SLC9A2: variants seen among roughly 807,000 people sequenced by gnomAD.
SLC9A2 encodes the protein sodium/hydrogen exchanger 2.
SLC9A2 carries 42 observed loss-of-function variants against 71.7 expected under a neutral mutation model. That is an observed-to-expected ratio of 0.59 (90% CI 0.46 to 0.76). The LOEUF (loss-of-function observed/expected upper bound fraction) is 0.76. Among genes scored for constraint, SLC9A2 ranks in the 30% least tolerant of loss-of-function variants. The probability of loss-of-function intolerance (pLI) is 0.00; values close to 1 mark genes in which losing one functional copy is unlikely to be tolerated. For synonymous variants in SLC9A2, 396 were observed against 392.5 expected (o/e 1.01, Z -0.10); for missense variants, 829 against 1,017.4 (o/e 0.81, Z 2.52).
In SLC9A2 at chr2:102,690,445, A is replaced by G. The variant is rs1573430149; in HGVS notation, c.1426-3969A>G. ...TATGGGCAACTCTCTTAGGTTTCTT[A>G]GAGAAAGGAGGTGGTGGCCAGAGGT... On this transcript the variant is annotated intron_variant, in intron 5 of 11. Transcript: ENST00000233969. 4.6e-5 allele frequency among the ~76,000 whole-genome samples: 7 copies of G among 152,298 alleles called. No homozygotes were observed. In the South Asian group the frequency reaches 1.5e-3, roughly 32 times the overall value.
chr2:102,707,724 T>C (rs1312331204), intron 11 of SLC9A2, among the ~76,000 whole-genome samples: 1 of 152,156 alleles, frequency 6.6e-6, no homozygotes, highest in Non-Finnish European at 1.5e-5. Flanking sequence ...ATCATTACTG[T>C]GGGGCAGATG....
At chr2:102,634,083 ACT>A (rs1244163409) in intron 1 of SLC9A2, among the ~76,000 whole-genome samples, 1 of 152,198 alleles carries the variant, frequency 6.6e-6, no homozygotes, top group African/African-American at 2.4e-5. Context: ...TAAATGAGTA[ACT>A]CAATAAAATT....
chr2:102,694,736 C>T (rs1183805661), intron 6 of SLC9A2, among the ~76,000 whole-genome samples: 1 of 152,070 alleles, frequency 6.6e-6, no homozygotes, highest in East Asian at 1.9e-4. Flanking sequence ...CAAGAAGTCC[C>T]CTCTTCTTAC....
Position 102,657,561 on chromosome 2 carries a change from C to T in SLC9A2, c.290-3C>T. On this transcript the variant is annotated splice_region_variant and splice_polypyrimidine_tract_variant and intron_variant, in intron 1 of 11. Coordinates refer to ENST00000233969, the MANE Select transcript of SLC9A2 (RefSeq NM_003048.6). ...TTGTGTGTTTTTATTTTTTCCTTAC[C>T]AGGCTTCCATCTGTATCACAAGTTG... is the stretch of plus-strand genomic sequence containing the variant. 1 of 1,577,438 alleles carries T rather than the reference C, an allele frequency of 6.3e-7. No individual in the cohort carries two copies. The highest frequency in any genetic ancestry group is 8.6e-7 in the Non-Finnish European group (1 of 1,162,588).
chr2:102,704,611 T>C lies in SLC9A2; in HGVS notation c.1913T>C (p.Ile638Thr). Residue 638 changes from isoleucine to threonine, a missense_variant, in exon 10 of 12, where the codon ATT (isoleucine) becomes ACT (threonine). By Grantham distance (89) the Ile-to-Thr change is moderately conservative. Transcript: ENST00000233969. ...TSERQAKEIL[I>T]RRRHSLRESI... The stretch of plus-strand genomic sequence containing the variant: ...GAGAGACAAGCCAAGGAGATTCTGA[T>C]TCGCCGGCGACACAGTTTGCGAGAA... The C allele has an allele frequency of 6.2e-7, 1 of 1,613,656 alleles. No individual in the cohort carries two copies. The highest frequency in any genetic ancestry group is 8.5e-7 in the Non-Finnish European group (1 of 1,179,708).
At chr2:102,688,597 A>G (rs1005341224) in intron 5 of SLC9A2, among the ~76,000 whole-genome samples, 108 of 152,210 alleles carry the variant, frequency 7.1e-4, no homozygotes, top group African/African-American at 2.5e-3. Context: ...GCATGGTGGC[A>G]CGTGCCTATA....
intron 7 of SLC9A2, among the ~76,000 whole-genome samples, chr2:102,697,789 C>T (rs924307488): frequency 1.3e-5 from 2 of 151,372 alleles, no homozygotes; most frequent in Non-Finnish European, 2.9e-5. Context: ...CAAAAAGAAG[C>T]GATTGTTTCA....
chr2:102,680,105 A>G (rs1018523517), intron 3 of SLC9A2, among the ~76,000 whole-genome samples: 2 of 142,482 alleles, frequency 1.4e-5, no homozygotes, highest in African/African-American at 4.9e-5. Context: ...AGAGAATTAA[A>G]AAATATATGT....
chr2:102,641,647 T>C (rs1424899746), intron 1 of SLC9A2, among the ~76,000 whole-genome samples: 2 of 152,022 alleles, frequency 1.3e-5, no homozygotes, highest in Non-Finnish European at 2.9e-5. Context: ...GTAACAAGCA[T>C]GCTGTGTGTA....
intron 5 of SLC9A2, among the ~76,000 whole-genome samples, chr2:102,692,494 T>G (rs887245876): frequency 6.6e-6 from 1 of 152,198 alleles, no homozygotes; most frequent in Non-Finnish European, 1.5e-5. Context: ...TTCCTATCCA[T>G]GTATCCTTCC....
chr2:102,641,297 C>A (rs567765388), intron 1 of SLC9A2, among the ~76,000 whole-genome samples: 6 of 152,252 alleles, frequency 3.9e-5, no homozygotes, highest in African/African-American at 1.4e-4. Flanking sequence ...AAATGAAAAG[C>A]ATAGCTCTTT....
intron 1 of SLC9A2, among the ~76,000 whole-genome samples, chr2:102,651,324 C>T (rs1676830098): frequency 6.6e-6 from 1 of 152,172 alleles, no homozygotes; most frequent in South Asian, 2.1e-4. Flanking sequence ...AACTTCTGTC[C>T]CAGGGCCACA....
chr2:102,660,039 C>A (rs188373156), intron 2 of SLC9A2, among the ~76,000 whole-genome samples: 1 of 152,284 alleles, frequency 6.6e-6, no homozygotes, highest in African/African-American at 2.4e-5. Context: ...CAGACATCTC[C>A]GTGGTCCATT....
intron 3 of SLC9A2, among the ~76,000 whole-genome samples, chr2:102,675,320 G>T (rs868396055): frequency 1.3e-5 from 2 of 152,162 alleles, no homozygotes; most frequent in African/African-American, 2.4e-5. Flanking sequence ...GAGAAGGAGG[G>T]GTCCCTGGTC....
chr2:102,626,679 A>G (rs1394960849), intron 1 of SLC9A2, among the ~76,000 whole-genome samples: 3 of 152,216 alleles, frequency 2.0e-5, no homozygotes. Flanking sequence ...CTCATCTGAA[A>G]AAGGGCTAAT....
intron 1 of SLC9A2, among the ~76,000 whole-genome samples, chr2:102,638,702 T>C (rs1225712938): frequency 6.6e-6 from 1 of 152,252 alleles, no homozygotes; most frequent in Non-Finnish European, 1.5e-5. Context: ...TCTTTAAAAA[T>C]GTGTCTGTGA....
intron 1 of SLC9A2, among the ~76,000 whole-genome samples, chr2:102,655,492 G>A (rs1184671804): frequency 6.6e-6 from 1 of 152,130 alleles, no homozygotes; most frequent in Admixed American, 6.6e-5. Flanking sequence ...TTAAAAAATA[G>A]TTTGTTGATA....
intron 1 of SLC9A2, among the ~76,000 whole-genome samples, chr2:102,635,151 A>T: frequency 6.6e-6 from 1 of 152,230 alleles, no homozygotes; most frequent in East Asian, 1.9e-4. Context: ...CACGCTTTTC[A>T]TCACCAGTAT....
chr2:102,627,164 A>T (rs72828015), intron 1 of SLC9A2, among the ~76,000 whole-genome samples: 5 of 151,920 alleles, frequency 3.3e-5, no homozygotes, highest in Non-Finnish European at 7.4e-5. Flanking sequence ...TAACAACAAC[A>T]AAAAGCCAGG....
Sources: allele counts gnomAD v4.1 joint callset (sites outside exome capture counted in the v4.1 genomes callset), GRCh38; gene constraint gnomAD v4.1.1; transcripts MANE v1.5; gene names NCBI Gene and HGNC (gene_info 2026-07-23, HGNC 2026-07-21).